The following CTNNA2 variants were observed in gnomAD, a reference collection of about 807,000 sequenced individuals.
CTNNA2 encodes the protein catenin alpha-2.
A neutral mutation model predicts 101.0 loss-of-function variants in CTNNA2; 42 were observed. The observed-to-expected ratio is 0.42, with a 90% CI of 0.32 to 0.54. The LOEUF (loss-of-function observed/expected upper bound fraction) is 0.54. Among genes scored for constraint, CTNNA2 ranks in the 20% least tolerant of loss-of-function variants. CTNNA2 has a pLI of 0.14. For synonymous variants in CTNNA2, 450 were observed against 456.4 expected, an observed-to-expected ratio of 0.99 and a Z score of 0.18; for missense variants, 871 against 1,223.1, an observed-to-expected ratio of 0.71 and a Z score of 4.29.
At chr2:80,591,422 T>G (rs1696478441) in intron 15 of CTNNA2, among the ~76,000 whole-genome samples, 1 of 146,314 alleles carries the variant, frequency 6.8e-6, no homozygotes, top group Non-Finnish European at 1.5e-5. Context: ...ACACAGGAAG[T>G]TGAGGCTTCA....
At chr2:79,876,486 T>C (rs76596704) in intron 6 of CTNNA2, among the ~76,000 whole-genome samples, 5,647 of 152,226 alleles carry the variant, frequency 0.037, 379 homozygotes, top group East Asian at 0.3. Flanking sequence ...ATTACATTAT[T>C]CTAGTTATAA....
At chr2:80,635,584 TGAG>T (rs1346675796) in intron 18 of CTNNA2, among the ~76,000 whole-genome samples, 5 of 152,190 alleles carry the variant, frequency 3.3e-5, no homozygotes, top group Non-Finnish European at 7.3e-5. Flanking sequence ...ATGAATTATG[TGAG>T]GAGAAATTAT....
chr2:79,248,993 T>A (rs760944453), intron 2 of CTNNA2, among the ~76,000 whole-genome samples: 3 of 152,138 alleles, frequency 2.0e-5, no homozygotes, highest in Non-Finnish European at 4.4e-5. Flanking sequence ...ACCAATTAAC[T>A]CTCTGCTCTA....
chr2:79,911,123 A>G (rs1685766383), intron 7 of CTNNA2, among the ~76,000 whole-genome samples: 1 of 152,182 alleles, frequency 6.6e-6, no homozygotes, highest in South Asian at 2.1e-4. Context: ...ATTTTGATCC[A>G]TGGTATTACG....
At chr2:79,854,056 T>G (rs2861914) in intron 3 of CTNNA2, among the ~76,000 whole-genome samples, 39,531 of 152,150 alleles carry the variant, frequency 0.26, 5,453 homozygotes, top group Non-Finnish European at 0.31. Flanking sequence ...CACAATTATG[T>G]ATTCATCCCA....
chr2:80,081,463 CAT>C (rs1010372304), intron 7 of CTNNA2, among the ~76,000 whole-genome samples: 8 of 152,172 alleles, frequency 5.3e-5, no homozygotes, highest in East Asian at 3.9e-4. Flanking sequence ...CCTTCAGAAA[CAT>C]GTGATAAGAA....
chr2:79,693,330 T>A (rs1453919947), intron 2 of CTNNA2, among the ~76,000 whole-genome samples: 2 of 151,924 alleles, frequency 1.3e-5, no homozygotes, highest in African/African-American at 4.8e-5. Flanking sequence ...ATTATGAAAA[T>A]TTTTCAAAAC....
intron 5 of CTNNA2, among the ~76,000 whole-genome samples, chr2:79,871,891 A>G (rs1682611922): frequency 6.6e-6 from 1 of 152,230 alleles, no homozygotes; most frequent in African/African-American, 2.4e-5. Context: ...TATGATGTTC[A>G]TATGAAAATG....
chr2:79,541,815 C>T (rs563648834), intron 1 of CTNNA2, among the ~76,000 whole-genome samples: 2 of 151,858 alleles, frequency 1.3e-5, no homozygotes, highest in Non-Finnish European at 2.9e-5. Context: ...GTAGTAGAGA[C>T]GGGGTTTCAC....
At chr2:80,580,117 C>T (rs1170390814) in intron 13 of CTNNA2, among the ~76,000 whole-genome samples, 1 of 152,168 alleles carries the variant, frequency 6.6e-6, no homozygotes, top group Non-Finnish European at 1.5e-5. Context: ...CGTCTCATGC[C>T]TCAGTTTTCC....
At chr2:79,780,790 AACTTAT>A (rs1359846186) in intron 3 of CTNNA2, among the ~76,000 whole-genome samples, 2 of 152,234 alleles carry the variant, frequency 1.3e-5, no homozygotes, top group African/African-American at 4.8e-5. Flanking sequence ...AAATTCATGC[AACTTAT>A]ACTTTGCTCA....
intron 2 of CTNNA2, among the ~76,000 whole-genome samples, chr2:79,670,542 C>T (rs972119780): frequency 1.3e-5 from 2 of 152,184 alleles, no homozygotes; most frequent in Non-Finnish European, 2.9e-5. Context: ...CCATTATTAA[C>T]AGGCTGAAAT....
At chr2:80,373,304 A>G (rs1157357888) in intron 7 of CTNNA2, among the ~76,000 whole-genome samples, 1 of 152,186 alleles carries the variant, frequency 6.6e-6, no homozygotes, top group African/African-American at 2.4e-5. Context: ...GTCAACATGT[A>G]GGTTGTTTTC....
intron 7 of CTNNA2, among the ~76,000 whole-genome samples, chr2:79,993,046 C>T (rs1692292494): frequency 6.6e-6 from 1 of 151,954 alleles, no homozygotes; most frequent in Non-Finnish European, 1.5e-5. Flanking sequence ...CAAGAACCAT[C>T]AACAGGTGGC....
intron 7 of CTNNA2, among the ~76,000 whole-genome samples, chr2:80,055,867 AACCCAGGAT>A (rs2104354062): frequency 6.6e-6 from 1 of 152,306 alleles, no homozygotes; most frequent in Non-Finnish European, 1.5e-5. Context: ...AAACTGGCCA[AACCCAGGAT>A]ACGTGCAAAA....
chr2:80,039,143 G>T (rs1032144145), intron 7 of CTNNA2, among the ~76,000 whole-genome samples: 2 of 152,150 alleles, frequency 1.3e-5, no homozygotes, highest in African/African-American at 4.8e-5. Context: ...AATTCTTGAT[G>T]CAAATTACCA....
intron 7 of CTNNA2, among the ~76,000 whole-genome samples, chr2:80,004,086 TAG>T (rs1216345910): frequency 1.3e-5 from 2 of 152,120 alleles, no homozygotes; most frequent in African/African-American, 4.8e-5. Context: ...GGTGAGAAAA[TAG>T]AGGCTAAAAT....
chr2:80,031,398 TG>T (rs1695277172), intron 7 of CTNNA2, among the ~76,000 whole-genome samples: 1 of 152,110 alleles, frequency 6.6e-6, no homozygotes, highest in Admixed American at 6.5e-5. Context: ...CTCCCAAACA[TG>T]GTGGAAGGCA....
intron 4 of CTNNA2, among the ~76,000 whole-genome samples, chr2:79,411,390 G>C (rs935020474): frequency 6.6e-6 from 1 of 152,038 alleles, no homozygotes; most frequent in Admixed American, 6.6e-5. Context: ...TAATTGTGAT[G>C]TTAGGGTGTC....
Sources: allele counts gnomAD v4.1 joint callset (sites outside exome capture counted in the v4.1 genomes callset), GRCh38; gene constraint gnomAD v4.1.1; transcripts MANE v1.5; gene names NCBI Gene and HGNC (gene_info 2026-07-23, HGNC 2026-07-21).